Variants in SBF2 observed in about 807,000 individuals in gnomAD.
The protein encoded by SBF2 is myotubularin-related protein 13.
Under a neutral mutation model 225.2 loss-of-function variants are expected in SBF2, and 112 were observed. The ratio of observed to expected loss-of-function variants is 0.50; its 90% CI spans 0.43 to 0.58. The LOEUF (loss-of-function observed/expected upper bound fraction) is 0.58. SBF2 is among the 20% of genes least tolerant of loss of function. The pLI, the probability that SBF2 is intolerant of heterozygous loss-of-function variation, is 0.00. For synonymous variants in SBF2, 763 were observed against 773.3 expected, an observed-to-expected ratio of 0.99 and a Z score of 0.22; for missense variants, 1,996 against 2,206.2, an observed-to-expected ratio of 0.90 and a Z score of 1.91.
intron 19 of SBF2, among the ~76,000 whole-genome samples, chr11:9,856,255 G>C (rs890847858): frequency 7.9e-5 from 12 of 152,240 alleles, no homozygotes; most frequent in Admixed American, 7.2e-4. Flanking sequence ...TAAAAAAGAA[G>C]AAAGTGTGGG....
At chr11:10,134,873 G>T (rs1286364155) in intron 2 of SBF2, among the ~76,000 whole-genome samples, 1 of 152,176 alleles carries the variant, frequency 6.6e-6, no homozygotes, top group East Asian at 1.9e-4. Context: ...TACCATTCTG[G>T]GATCTGGAGG....
chr11:9,851,043 G>A (rs1339839269), intron 21 of SBF2, among the ~76,000 whole-genome samples: 1 of 151,092 alleles, frequency 6.6e-6, no homozygotes, highest in Admixed American at 6.7e-5. Context: ...GGCGGAGGCA[G>A]GAGAATCGCT....
chr11:9,816,727 G>T, intron 29 of SBF2, 113 bp downstream of exon 29: 1 of 965,716 alleles, frequency 1.0e-6, no homozygotes, highest in Non-Finnish European at 1.6e-6. Flanking sequence ...ATTAACTCCA[G>T]GTTAAGAATC....
chr11:9,933,281 C>A (rs1361515227), intron 16 of SBF2, among the ~76,000 whole-genome samples: 1 of 152,130 alleles, frequency 6.6e-6, no homozygotes, highest in East Asian at 1.9e-4. Flanking sequence ...ATATCCAGGA[C>A]TTGAACTCAG....
intron 13 of SBF2, among the ~76,000 whole-genome samples, chr11:9,988,466 C>T (rs1393467837): frequency 6.6e-6 from 1 of 152,158 alleles, no homozygotes; most frequent in South Asian, 2.1e-4. Context: ...AGTAAACAGA[C>T]AACCCACAGA....
At chr11:10,295,825 T>C (rs1377660016), upstream of SBF2, among the ~76,000 whole-genome samples, 1 of 152,128 alleles carries the variant, frequency 6.6e-6, no homozygotes, top group Non-Finnish European at 1.5e-5. Flanking sequence ...AAAAAATCTA[T>C]CTTCATATGA....
At chr11:9,904,340 G>GTC (rs1861957571) in intron 16 of SBF2, among the ~76,000 whole-genome samples, 1 of 152,068 alleles carries the variant, frequency 6.6e-6, no homozygotes. Flanking sequence ...AAGGCAAAAT[G>GTC]CATTACTAGG....
intron 26 of SBF2, among the ~76,000 whole-genome samples, chr11:9,833,686 C>CTGGGATTA (rs892181884): frequency 3.3e-5 from 5 of 151,786 alleles, no homozygotes; most frequent in African/African-American, 1.2e-4. Flanking sequence ...TCCCAAAGTG[C>CTGGGATTA]TGGGATTACA....
At chr11:9,958,511 A>C (rs1866342530) in intron 16 of SBF2, 1 of 159,456 alleles carries the variant, frequency 6.3e-6, no homozygotes, top group African/African-American at 2.4e-5. Context: ...GGCGCCCGCC[A>C]CCTCGCCCGG....
intron 32 of SBF2, 74 bp downstream of exon 32, chr11:9,807,926 C>G: frequency 4.5e-6 from 6 of 1,319,006 alleles, no homozygotes; most frequent in South Asian, 1.2e-5. Context: ...GGCACACCAT[C>G]GCAATGCTCC....
At chr11:10,262,573 C>T (rs1397122717) in intron 1 of SBF2, among the ~76,000 whole-genome samples, 2 of 152,036 alleles carry the variant, frequency 1.3e-5, no homozygotes, top group African/African-American at 2.4e-5. Flanking sequence ...CTCTCTGATG[C>T]GAGGGTAGAA....
chr11:9,790,642 C>G lies in SBF2; in HGVS notation c.4612G>C (p.Gly1538Arg). The G allele has an allele frequency of 6.3e-7, 1 of 1,587,460 alleles. No individual in the cohort carries two copies. The highest frequency in any genetic ancestry group is 8.6e-7 in the Non-Finnish European group (1 of 1,157,008). Residue 1538 changes from glycine to arginine, a missense_variant, in exon 34 of 40, where the codon GGA becomes CGA. Coordinates refer to ENST00000256190, the MANE Select transcript of SBF2 (RefSeq NM_030962.4). ...DDKGEKHAKKGVCIWECIDRM... is the reference protein window; with the variant it reads ...DDKGEKHAKKRVCIWECIDRM... ...TCAATACATTCCCAAATACAGACTC[C>G]TTTTTTGGCATGCTTTTCTCCTTTA...
At chr11:10,258,023 G>A (rs899293363) in intron 1 of SBF2, among the ~76,000 whole-genome samples, 1 of 150,334 alleles carries the variant, frequency 6.7e-6, no homozygotes, top group African/African-American at 2.4e-5. Flanking sequence ...GGACATATCA[G>A]AATTTTTAAC....
At chr11:10,196,649 G>A (rs1435808899) in intron 1 of SBF2, among the ~76,000 whole-genome samples, 1 of 151,772 alleles carries the variant, frequency 6.6e-6, no homozygotes, top group East Asian at 1.9e-4. Flanking sequence ...AAAGTGCTAG[G>A]ATTATAGCGT....
chr11:9,950,727 T>C (rs1565048158), intron 16 of SBF2, among the ~76,000 whole-genome samples: 2 of 152,148 alleles, frequency 1.3e-5, no homozygotes, highest in African/African-American at 4.8e-5. Flanking sequence ...TAAAGGTGAA[T>C]AGAGCTTGGC....
chr11:9,889,254 T>G lies in SBF2; in HGVS notation c.1929+6689A>C, dbSNP rs559653235. 1.1e-3 allele frequency among the ~76,000 whole-genome samples: 167 copies of G among 152,324 alleles called. 1 individual carries two copies. The highest frequency in any genetic ancestry group is 3.8e-3 in the African/African-American group (158 of 41,574). On this transcript the variant is annotated intron_variant, in intron 17 of 39. Transcript: ENST00000256190. ...CACAAGTGACTTTTCTAACTGCTTCTCTGATTAGGTAAGTTAGATTCATAC... is the reference window on the plus strand; with the variant it reads ...CACAAGTGACTTTTCTAACTGCTTCGCTGATTAGGTAAGTTAGATTCATAC...
chr11:9,914,787 A>T (rs1191511221), intron 16 of SBF2, among the ~76,000 whole-genome samples: 1 of 152,030 alleles, frequency 6.6e-6, no homozygotes, highest in East Asian at 1.9e-4. Flanking sequence ...GCAAAATATA[A>T]ATCTGTACAA....
intron 2 of SBF2, among the ~76,000 whole-genome samples, chr11:10,078,919 G>A (rs1233720997): frequency 6.6e-6 from 1 of 152,078 alleles, no homozygotes; most frequent in Non-Finnish European, 1.5e-5. Context: ...ACTGCAACTA[G>A]CATTTAAGAA....
chr11:10,022,602 C>A (rs954693081), intron 6 of SBF2, among the ~76,000 whole-genome samples: 1 of 151,774 alleles, frequency 6.6e-6, no homozygotes, highest in South Asian at 2.1e-4. Flanking sequence ...ATGTACCCAC[C>A]CCCCCATCAT....
Sources: gnomAD v4.1 joint callset for allele counts (sites outside exome capture counted in the v4.1 genomes callset) on GRCh38, gnomAD v4.1.1 for gene constraint, MANE v1.5 for transcripts, NCBI Gene and HGNC (gene_info 2026-07-23, HGNC 2026-07-21) for gene names.